The following ITGA8 variants were observed in gnomAD, a reference collection of about 807,000 sequenced individuals.
The protein encoded by ITGA8 is integrin alpha-8.
A neutral mutation model predicts 142.3 loss-of-function variants in ITGA8; 91 were observed. The ratio of observed to expected loss-of-function variants is 0.64; its 90% confidence interval spans 0.54 to 0.76. ITGA8 has a LOEUF of 0.76. Ranked by LOEUF, ITGA8 falls within the 30% of genes least tolerant of loss-of-function variation. The probability of loss-of-function intolerance (pLI) is 0.00; values close to 1 mark genes in which losing one functional copy is unlikely to be tolerated. For missense variants in ITGA8, 1,406 were observed against 1,327.7 expected (o/e 1.06, Z -0.92); for synonymous variants, 505 against 485.2 (o/e 1.04, Z -0.54).
At chr10:15,581,390 G>C (rs1231173450) in intron 23 of ITGA8, among the ~76,000 whole-genome samples, 2 of 152,162 alleles carry the variant, frequency 1.3e-5, no homozygotes, top group Non-Finnish European at 2.9e-5. Flanking sequence ...CCTGTGTTTG[G>C]TCCTTTTCCA....
At chr10:15,596,968 G>A (rs1277893691) in intron 21 of ITGA8, 1 of 434,056 alleles carries the variant, frequency 2.3e-6, no homozygotes, top group Non-Finnish European at 4.1e-6. Context: ...TAAAAGACAG[G>A]CAAGAGTAAT....
At chr10:15,688,351 G>T (rs975135423) in intron 2 of ITGA8, among the ~76,000 whole-genome samples, 3 of 149,052 alleles carry the variant, frequency 2.0e-5, no homozygotes, top group Non-Finnish European at 3.0e-5. Context: ...TATGCCTGTA[G>T]TCCCAGCTAC....
chr10:15,595,840 T>C (rs1425861785), intron 21 of ITGA8, among the ~76,000 whole-genome samples: 1 of 152,092 alleles, frequency 6.6e-6, no homozygotes, highest in East Asian at 1.9e-4. Flanking sequence ...CCAAGGCAGG[T>C]GGATCACCTG....
chr10:15,578,148 C>A (rs1834333967), intron 23 of ITGA8, among the ~76,000 whole-genome samples: 1 of 152,074 alleles, frequency 6.6e-6, no homozygotes, highest in South Asian at 2.1e-4. Flanking sequence ...CCACGAAGAT[C>A]CCCTTTTACA....
At position 15,558,087 on chromosome 10, in the gene ITGA8, G is replaced by C; in HGVS notation, c.2753C>G (p.Pro918Arg). 1 of 1,614,020 alleles carries C rather than the reference G, an allele frequency of 6.2e-7. No homozygotes were observed. Among genetic ancestry groups the C allele is most frequent in the Non-Finnish European group, 8.5e-7 (1 of 1,180,036 alleles). Residue 918 changes from proline to arginine, a missense_variant, in exon 26 of 30, where the codon CCT becomes CGT. Transcript: ENST00000378076. ...GGGATAACTCACCAGTATTTTTGCA[G>C]GGCTCTGTCTGTGGAATTCGACCAC... ...VHVVEFHRQSPAKILNCTNIE... is the reference protein window; with the variant it reads ...VHVVEFHRQSRAKILNCTNIE...
Position 15,646,786 on chromosome 10 carries a change from G to C in ITGA8, c.1207+60C>G, listed in dbSNP as rs565551830. ...ATACTGAATACTTTAAAACAGGCATGGTCTCCTTTATGCAGTGGTGACGAC... is the reference window on the plus strand; with the variant it reads ...ATACTGAATACTTTAAAACAGGCATCGTCTCCTTTATGCAGTGGTGACGAC... On this transcript the variant is annotated intron_variant, in intron 12 of 29. Coordinates refer to ENST00000378076, the MANE Select transcript of ITGA8 (RefSeq NM_003638.3). 275 of 1,264,440 alleles carry C rather than the reference G, an allele frequency of 2.2e-4. 1 individual carries two copies. In the South Asian group the frequency reaches 3.3e-3, roughly 15 times the overall value. 78.3% of individuals were successfully genotyped at this position (1,264,440 alleles called of 1,614,324 possible).
intron 26 of ITGA8, among the ~76,000 whole-genome samples, chr10:15,550,586 G>A (rs1383013461): frequency 6.6e-6 from 1 of 152,202 alleles, no homozygotes; most frequent in Non-Finnish European, 1.5e-5. Context: ...TCACCTAGCA[G>A]AATGGGAGAC....
At chr10:15,708,488 C>G (rs372937679) in intron 2 of ITGA8, among the ~76,000 whole-genome samples, 96 of 152,230 alleles carry the variant, frequency 6.3e-4, no homozygotes, top group African/African-American at 2.1e-3. Flanking sequence ...AACATCCTCT[C>G]CTTGCCATGT....
At chr10:15,591,446 T>TATATTATATG (rs1190418554) in intron 22 of ITGA8, among the ~76,000 whole-genome samples, 1 of 143,676 alleles carries the variant, frequency 7.0e-6, no homozygotes, top group East Asian at 2.1e-4. Flanking sequence ...TATATTATAT[T>TATATTATATG]ATATGTTACT....
At chr10:15,660,610 G>A (rs1352621554) in intron 9 of ITGA8, among the ~76,000 whole-genome samples, 12 of 152,264 alleles carry the variant, frequency 7.9e-5, no homozygotes, top group Admixed American at 6.5e-4. Context: ...TCTTTTCCCA[G>A]ACTAGCAATA....
intron 8 of ITGA8, among the ~76,000 whole-genome samples, chr10:15,661,565 G>A (rs1214127802): frequency 6.6e-6 from 1 of 152,138 alleles, no homozygotes; most frequent in East Asian, 1.9e-4. Flanking sequence ...TCTGTACTTC[G>A]GTCTCTAATT....
chr10:15,583,772 T>C (rs1834460030), intron 23 of ITGA8, among the ~76,000 whole-genome samples: 1 of 152,212 alleles, frequency 6.6e-6, no homozygotes, highest in South Asian at 2.1e-4. Context: ...TTCTATATTG[T>C]ATGTTCTTTT....
intron 13 of ITGA8, among the ~76,000 whole-genome samples, chr10:15,627,289 A>G (rs1833602010): frequency 6.6e-6 from 1 of 151,566 alleles, no homozygotes; most frequent in African/African-American, 2.4e-5. Flanking sequence ...AGTTTCTGCA[A>G]TTAGTATGCA....
chr10:15,560,292 A>C (rs745869647), intron 25 of ITGA8, among the ~76,000 whole-genome samples: 1 of 152,200 alleles, frequency 6.6e-6, no homozygotes, highest in Non-Finnish European at 1.5e-5. Flanking sequence ...AAAAAAATAA[A>C]AAGAAAAAAA....
At chr10:15,667,305 T>C (rs1369938354) in intron 8 of ITGA8, among the ~76,000 whole-genome samples, 2 of 152,234 alleles carry the variant, frequency 1.3e-5, no homozygotes, top group Non-Finnish European at 2.9e-5. Flanking sequence ...TTTATTTGCA[T>C]AGAGTTGTTT....
intron 25 of ITGA8, among the ~76,000 whole-genome samples, chr10:15,571,327 G>A (rs1018512804): frequency 3.9e-5 from 6 of 152,280 alleles, no homozygotes; most frequent in Non-Finnish European, 8.8e-5. Flanking sequence ...CCTGCGCTGC[G>A]CCATTTTTAA....
At chr10:15,659,227 G>A (rs12761794) in intron 9 of ITGA8, among the ~76,000 whole-genome samples, 172 bp from the exon 10 acceptor site, 14,943 of 151,192 alleles carry the variant, frequency 0.099, 929 homozygotes, top group East Asian at 0.29. Flanking sequence ...AAAAAAAGCC[G>A]ATTAAAGTTT....
intron 8 of ITGA8, among the ~76,000 whole-genome samples, chr10:15,665,732 T>A (rs1834378066): frequency 1.3e-5 from 2 of 152,228 alleles, no homozygotes; most frequent in Non-Finnish European, 2.9e-5. Context: ...GCTTTCTACA[T>A]ATGGCTAGCC....
At chr10:15,654,282 T>C (rs990406216) in intron 11 of ITGA8, among the ~76,000 whole-genome samples, 5 of 152,226 alleles carry the variant, frequency 3.3e-5, no homozygotes, top group Admixed American at 6.5e-5. Context: ...ACAGTACTTA[T>C]AACCATCTAA....
Sources: gnomAD v4.1 joint callset for allele counts (sites outside exome capture counted in the v4.1 genomes callset) on GRCh38, gnomAD v4.1.1 for gene constraint, MANE v1.5 for transcripts, NCBI Gene and HGNC (gene_info 2026-07-23, HGNC 2026-07-21) for gene names.